RHBDF1: variants seen among roughly 807,000 people sequenced by gnomAD.
The protein encoded by RHBDF1 is rhomboid 5 homolog 1.
Under a neutral mutation model 98.6 loss-of-function variants are expected in RHBDF1, and 80 were observed. The ratio of observed to expected loss-of-function variants is 0.81; its 90% CI spans 0.68 to 0.98. The LOEUF (loss-of-function observed/expected upper bound fraction) is 0.98, where lower values mean the gene tolerates loss of function less well. Ranked by LOEUF, RHBDF1 falls within the 50% of genes least tolerant of loss-of-function variation. The pLI is 0.00. For missense variants in RHBDF1, 1,116 were observed against 1,198.3 expected (o/e 0.93, Z 1.01); for synonymous variants, 512 against 486.8 (o/e 1.05, Z -0.68).
chr16:62,926 C>G (rs368509074), intron 5 of RHBDF1, 29 bp from the exon 6 acceptor site: 2 of 1,613,054 alleles, frequency 1.2e-6, no homozygotes, highest in Non-Finnish European at 8.5e-7. Context: ...GCATGAGACC[C>G]GGCTGCTGGG....
rs1897467734 is a variant in RHBDF1 at position 58,492 on chromosome 16, T to A, written c.2416A>T (p.Ile806Phe). ...AGGCCCAGGAAGACCACCTGAAAGATGATGATCTGGCAGCGTTTCCGGTAC... is the reference window on the plus strand; with the variant it reads ...AGGCCCAGGAAGACCACCTGAAAGAAGATGATCTGGCAGCGTTTCCGGTAC... ...DLYRKRCQII[I>F]FQVVFLGLLA... The change falls in exon 18 of 18, where the codon ATC becomes TTC. Residue 806 changes from isoleucine (I) to phenylalanine (F), a missense_variant. Ile to Phe is a conservative substitution (Grantham distance 21). Coordinates refer to ENST00000262316, the MANE Select transcript of RHBDF1 (RefSeq NM_022450.5). 1 of 1,613,912 alleles carries A rather than the reference T, an allele frequency of 6.2e-7. No homozygotes were observed. The highest frequency in any genetic ancestry group is 1.7e-5 in the Admixed American group (1 of 60,010).
intron 17 of RHBDF1, 43 bp downstream of exon 17, chr16:58,931 C>T: frequency 6.2e-7 from 1 of 1,605,852 alleles, no homozygotes; most frequent in Non-Finnish European, 8.5e-7. Flanking sequence ...CAGCAGGCTG[C>T]AGGTGCACAC....
Position 63,021 on chromosome 16 carries a change from TCGC to T in RHBDF1, c.621_623del (p.Arg208del). The T allele has an allele frequency of 6.2e-7, 1 of 1,612,244 alleles. No homozygotes were observed. Among genetic ancestry groups the T allele is most frequent in the East Asian group, 2.2e-5 (1 of 44,854 alleles). On this transcript the variant is annotated inframe_deletion, in exon 5 of 18. Coordinates refer to ENST00000262316, the MANE Select transcript of RHBDF1 (RefSeq NM_022450.5). ...GGAAGCTCATCTTGGCCACCGACTC[TCGC>T]TTGCGCCGCCGCGGGAGCCGGTGGA...
At chr16:65,095 T>C (rs553446683) in intron 1 of RHBDF1, 56 bp from the exon 2 acceptor site, 2 of 1,473,930 alleles carry the variant, frequency 1.4e-6, no homozygotes, top group South Asian at 2.9e-5. Context: ...GAAGATTCAT[T>C]GCACCCAGAC....
chr16:65,910 T>C (rs1375362105), intron 1 of RHBDF1, among the ~76,000 whole-genome samples: 2 of 152,200 alleles, frequency 1.3e-5, no homozygotes, highest in Admixed American at 6.5e-5. Flanking sequence ...TGCGGGGCAT[T>C]GCAAGCTTGG....
At chr16:63,513 C>G in intron 4 of RHBDF1, 74 bp downstream of exon 4, 2 of 1,286,960 alleles carry the variant, frequency 1.6e-6, no homozygotes, top group Non-Finnish European at 2.1e-6. Context: ...TCTGCTCAGG[C>G]TGGCTGTGTC....
rs1398672339 is a variant in RHBDF1, at chr16:61,116, G to A, written c.1557+4C>T. ...AGGCGGGAGTCCCGGGCGGGGAAAC[G>A]CACCGAGCACTCCTCCTCCGAGGTC... On this transcript the variant is annotated splice_donor_region_variant and intron_variant, in intron 11 of 17. Transcript: ENST00000262316. The A allele has an allele frequency of 3.9e-6, 6 of 1,523,454 alleles. No individual in the cohort carries two copies. In the South Asian group the frequency reaches 6.0e-5, roughly 15 times the overall value. The allele number at this position is 1,523,454 out of a possible 1,614,324, so 94.4% of individuals were successfully genotyped here. A position where few individuals can be genotyped will look rare whatever the true frequency, so the allele number is the denominator to read the frequency against.
chr16:67,601 G>C (rs896039566), intron 1 of RHBDF1, among the ~76,000 whole-genome samples: 1 of 152,212 alleles, frequency 6.6e-6, no homozygotes, highest in African/African-American at 2.4e-5. Context: ...ACCCTCCCCT[G>C]TGTGGGAGGA....
At chr16:75,536 G>C (rs1000087335), upstream of RHBDF1, among the ~76,000 whole-genome samples, 1 of 152,212 alleles carries the variant, frequency 6.6e-6, no homozygotes, top group Admixed American at 6.5e-5. Context: ...AGGGGGCCAG[G>C]CCAGCCAGTG....
At chr16:71,649 A>C (rs1235930534) in intron 1 of RHBDF1, among the ~76,000 whole-genome samples, 1 of 152,194 alleles carries the variant, frequency 6.6e-6, no homozygotes, top group Non-Finnish European at 1.5e-5. Flanking sequence ...CGGGACAGAC[A>C]CACACATTCA....
chr16:65,143 G>T (rs1412603803), intron 1 of RHBDF1, 104 bp from the exon 2 acceptor site: 4 of 1,234,206 alleles, frequency 3.2e-6, no homozygotes, highest in Non-Finnish European at 4.4e-6. Flanking sequence ...CCCAACCGTG[G>T]TGCTCATGTC....
chr16:61,102 C>T lies in RHBDF1; in HGVS notation c.1557+18G>A. 2 of 1,518,084 alleles carry T rather than the reference C, an allele frequency of 1.3e-6. No homozygotes were observed. The highest frequency in any genetic ancestry group is 1.2e-5 in the South Asian group (1 of 83,270). 94.0% of individuals were successfully genotyped at this position (1,518,084 alleles called of 1,614,324 possible). On this transcript the variant is annotated intron_variant, in intron 11 of 17. Coordinates refer to ENST00000262316, the MANE Select transcript of RHBDF1 (RefSeq NM_022450.5). ...CACCGGGCAGACGAAGGCGGGAGTCCCGGGCGGGGAAACGCACCGAGCACT... is the reference window on the plus strand; with the variant it reads ...CACCGGGCAGACGAAGGCGGGAGTCTCGGGCGGGGAAACGCACCGAGCACT...
intron 1 of RHBDF1, 95 bp from the exon 2 acceptor site, chr16:65,134 C>A: frequency 7.6e-7 from 1 of 1,315,792 alleles, no homozygotes; most frequent in Non-Finnish European, 1.0e-6. Flanking sequence ...AGTGATGAGC[C>A]CAACCGTGGT....
rs759722658 is a variant in RHBDF1 at position 61,617 on chromosome 16, C to T, written c.1288G>A (p.Val430Met). Reference sequence around the variant, plus strand: ...ACCGTCTCATGCTGCGAGAAGCCCACGGGCGCGATGCCATAGATGCACACG... The same window carrying T: ...ACCGTCTCATGCTGCGAGAAGCCCATGGGCGCGATGCCATAGATGCACACG... ...LAVCIYGIAP[V>M]GFSQHETVDS... Residue 430 changes from valine (V) to methionine (M), a missense_variant, in exon 9 of 18, where the codon GTG (valine) becomes ATG (methionine). By Grantham distance (21) the Val-to-Met change is conservative. Coordinates refer to ENST00000262316, the MANE Select transcript of RHBDF1 (RefSeq NM_022450.5). 86 of 1,613,330 alleles carry T rather than the reference C, an allele frequency of 5.3e-5. No homozygotes were observed. The highest frequency in any genetic ancestry group is 7.0e-5 in the Non-Finnish European group (83 of 1,179,910).
At chr16:73,037 C>T (rs777707286), upstream of RHBDF1, among the ~76,000 whole-genome samples, 8 of 152,180 alleles carry the variant, frequency 5.3e-5, no homozygotes, top group Non-Finnish European at 1.0e-4. Flanking sequence ...CTGACAAGTC[C>T]TGTATCCCAC....
In RHBDF1 at chr16:62,909, G is replaced by GA; in HGVS notation, c.673-13dup. ...CTAACGGAGCGGCCCTGGGGACGGGGAAGTGAGCATGAGACCCGGCTGCTG... is the reference window on the plus strand; with the variant it reads ...CTAACGGAGCGGCCCTGGGGACGGGGAAAGTGAGCATGAGACCCGGCTGCTG... On this transcript the variant is annotated splice_polypyrimidine_tract_variant and intron_variant, in intron 5 of 17. Coordinates refer to ENST00000262316, the MANE Select transcript of RHBDF1 (RefSeq NM_022450.5). 3 of 1,613,532 alleles carry GA rather than the reference G, an allele frequency of 1.9e-6. No individual in the cohort carries two copies. Among genetic ancestry groups the GA allele is most frequent in the Non-Finnish European group, 2.5e-6 (3 of 1,179,902 alleles).
Position 61,910 on chromosome 16 carries a change from G to A in RHBDF1, c.1096C>T (p.Arg366Trp), listed in dbSNP as rs766634557. Residue 366 changes from arginine (R) to tryptophan (W), a missense_variant, in exon 8 of 18, where the codon CGG becomes TGG. By Grantham distance (101) the Arg-to-Trp change is moderately radical. Coordinates refer to ENST00000262316, the MANE Select transcript of RHBDF1 (RefSeq NM_022450.5). Reference protein sequence around the residue: ...IAVPVRKLFAREKRPYGLGMV... With the variant: ...IAVPVRKLFAWEKRPYGLGMV... ...CCCAGCCCATACGGCCGCTTCTCCC[G>A]GGCGAAGAGCTTGCGCACCGGCACC... The A allele has an allele frequency of 2.5e-6, 4 of 1,604,136 alleles. No individual in the cohort carries two copies. The highest frequency in any genetic ancestry group is 3.4e-6 in the Non-Finnish European group (4 of 1,179,654).
At position 63,129 on chromosome 16, in the gene RHBDF1, C is replaced by T. The variant is rs373719855; in HGVS notation, c.516G>A (p.Ala172=). The change falls in exon 5 of 18, where the codon GCG becomes GCA. Residue 172 remains alanine, a synonymous_variant. Transcript: ENST00000262316. The stretch of plus-strand genomic sequence containing the variant: ...GAGTGTGTGGGGCACTCAGGCCTTC[C>T]GCAGTGTCATCTGCCACACGGAAGG... ...GRAFRVADDT[A]EGLSAPHTPV... is the part of the protein sequence containing the mutation. 2.6e-5 allele frequency: 41 copies of T among 1,600,562 alleles called. 1 individual carries two copies. Among genetic ancestry groups the T allele is most frequent in the African/African-American group, 1.1e-4 (8 of 74,974 alleles).
rs370649838 is a variant in RHBDF1, at chr16:71,722, C to T, written c.-25+791G>A. Among the ~76,000 whole-genome samples, 134 of 152,310 alleles carry T rather than the reference C, an allele frequency of 8.8e-4. 2 individuals are homozygous for T. In the South Asian group the frequency reaches 9.5e-3, roughly 11 times the overall value. On this transcript the variant is annotated intron_variant, in intron 1 of 17. Coordinates refer to ENST00000262316, the MANE Select transcript of RHBDF1 (RefSeq NM_022450.5). ...GGACCACCTCGGTCGGAAGCAGGCC[C>T]TGGGGGGCCAGGGAAGATCCCCTGC...
Sources: allele counts gnomAD v4.1 joint callset (sites outside exome capture counted in the v4.1 genomes callset), GRCh38; gene constraint gnomAD v4.1.1; transcripts MANE v1.5; gene names NCBI Gene and HGNC (gene_info 2026-07-23, HGNC 2026-07-21).